Variants in FBXL18 observed in about 807,000 individuals in gnomAD.
FBXL18 encodes F-box/LRR-repeat protein 18.
FBXL18 carries 36 observed loss-of-function variants against 46.0 expected under a neutral mutation model. The observed-to-expected ratio is 0.78, with a 90% CI of 0.60 to 1.03. The LOEUF (loss-of-function observed/expected upper bound fraction) is 1.03. Among genes scored for constraint, FBXL18 ranks in the 50% least tolerant of loss-of-function variants. The pLI is 0.00. For missense variants in FBXL18, 977 were observed against 1,004.1 expected, an observed-to-expected ratio of 0.97 and a Z score of 0.36; for synonymous variants, 557 against 465.3, an observed-to-expected ratio of 1.20 and a Z score of -2.54.
chr7:5,513,590 A>G (rs956439009), intron 1 of FBXL18, 67 bp downstream of exon 1: 1 of 1,577,962 alleles, frequency 6.3e-7, no homozygotes, highest in Non-Finnish European at 8.7e-7. Context: ...CCGGGTCGGG[A>G]TGGAAGAACC....
Position 5,500,586 on chromosome 7 carries a change from C to A in FBXL18, c.1683G>T (p.Arg561=). 6.2e-7 allele frequency: 1 copy of A among 1,613,524 alleles called. No homozygotes were observed. The highest frequency in any genetic ancestry group is 8.5e-7 in the Non-Finnish European group (1 of 1,179,902). The change falls in exon 3 of 5, where the codon CGG becomes CGT. Residue 561 remains arginine (R), a synonymous_variant. Coordinates refer to ENST00000382368, the MANE Select transcript of FBXL18 (RefSeq NM_024963.6). The part of the protein sequence containing the change: ...VNIGLQCQQL[R]SLSLANLGMM... ...TGCCCAGGTTGGCCAGCGACAGGGA[C>A]CGCAACTGCTGGCACTGCAGGCCGA...
chr7:5,464,980 T>C (rs539986459), intron 4 of FBXL18, among the ~76,000 whole-genome samples: 28 of 152,072 alleles, frequency 1.8e-4, no homozygotes, highest in African/African-American at 6.3e-4. Context: ...GGAGAGTCAC[T>C]TGAACCCAGG....
chr7:5,481,706 G>C lies in FBXL18; in HGVS notation c.*69C>G, dbSNP rs1463788924. ...CCCCTTCCTCTTGTGACAAACCAAG[G>C]GTCCCTGGCGTCCCAGGCTCCTGCA... is the stretch of plus-strand genomic sequence containing the variant. On this transcript the variant is annotated 3_prime_UTR_variant, in exon 5 of 5. Transcript: ENST00000382368. 16 of 1,551,910 alleles carry C rather than the reference G, an allele frequency of 1.0e-5. No individual in the cohort carries two copies. In the East Asian group the frequency reaches 3.4e-4, roughly 33 times the overall value.
At position 5,501,720 on chromosome 7, in the gene FBXL18, G is replaced by T; in HGVS notation, c.549C>A (p.Pro183=). 1.9e-6 allele frequency: 3 copies of T among 1,582,812 alleles called. No individual in the cohort carries two copies. The highest frequency in any genetic ancestry group is 2.3e-5 in the East Asian group (1 of 43,044). Residue 183 remains proline (P), a synonymous_variant, in exon 3 of 5, where the codon CCC becomes CCA. Transcript: ENST00000382368. ...TGCAGCAGGGCACCACGCCGTAGGA[G>T]GGAGTGAACAGCGTCTGCTTGAGCT... The part of the protein sequence containing the change: ...VRELKQTLFT[P]SYGVVPCCTS...
chr7:5,462,369 C>A (rs1041218751), intron 4 of FBXL18, among the ~76,000 whole-genome samples: 7 of 152,242 alleles, frequency 4.6e-5, no homozygotes, highest in African/African-American at 1.7e-4. Flanking sequence ...TTACCTACCC[C>A]ACTGTGGGTA....
In FBXL18 at chr7:5,476,172, A is replaced by G. The variant is rs1783507736; in HGVS notation, c.*5603T>C. ...CGACGGCTGCAGGGGAGGGGCACGCACACACACAGGCACGCACATGCTTGC... is the reference window on the plus strand; with the variant it reads ...CGACGGCTGCAGGGGAGGGGCACGCGCACACACAGGCACGCACATGCTTGC... On this transcript the variant is annotated 3_prime_UTR_variant, in exon 5 of 5. Transcript: ENST00000382368. The G allele has an allele frequency of 6.6e-6, 1 of 152,670 alleles. No homozygotes were observed. Among genetic ancestry groups the G allele is most frequent in the Admixed American group, 6.6e-5 (1 of 15,230 alleles). The allele number at this position is 152,670 out of a possible 1,614,324, so 9.5% of individuals were successfully genotyped here. A position where few individuals can be genotyped will look rare whatever the true frequency, so the allele number is the denominator to read the frequency against.
rs1030521346 is a variant in FBXL18 at position 5,480,881 on chromosome 7, A to C, written c.*894T>G. 2.6e-5 allele frequency: 4 copies of C among 152,096 alleles called. No homozygotes were observed. Among genetic ancestry groups the C allele is most frequent in the African/African-American group, 9.7e-5 (4 of 41,402 alleles). 9.4% of individuals were successfully genotyped at this position (152,096 alleles called of 1,614,324 possible). On this transcript the variant is annotated 3_prime_UTR_variant, in exon 5 of 5. Coordinates refer to ENST00000382368, the MANE Select transcript of FBXL18 (RefSeq NM_024963.6). The stretch of plus-strand genomic sequence containing the variant: ...CCAGCTGAGTATTTTTAAAGTCTTA[A>C]ATGAAGTCATTTGAAATGGGGTCAT...
rs940031774 is a variant in FBXL18, at chr7:5,496,871, C to CA, written c.1781+3616dup. Among the ~76,000 whole-genome samples the CA allele has an allele frequency of 1.4e-4, 21 of 147,944 alleles. No homozygotes were observed. Among genetic ancestry groups the CA allele is most frequent in the Non-Finnish European group, 2.4e-4 (16 of 66,724 alleles). ...TGAAACCCCGTCTCTACTAAAAATA[C>CA]AAAAAAAAAATTAGCCGAGTATGGT... On this transcript the variant is annotated intron_variant, in intron 3 of 4. Coordinates refer to ENST00000382368, the MANE Select transcript of FBXL18 (RefSeq NM_024963.6). The surrounding 1 kb of genome is among the most constrained non-coding windows in gnomAD (Gnocchi z 4.8).
chr7:5,461,535 TG>T (rs1303368544), intron 4 of FBXL18, among the ~76,000 whole-genome samples: 44 of 152,054 alleles, frequency 2.9e-4, no homozygotes, highest in African/African-American at 1.0e-3. Context: ...CCAAGCTACT[TG>T]GGAGGCTGAA....
Position 5,481,603 on chromosome 7 carries a change from A to G in FBXL18, c.*172T>C. ...CCCCTCGACCTAAACTTCACAGAGC[A>G]ACAGTCCCCATGAGAGAGCCGTGGA... On this transcript the variant is annotated 3_prime_UTR_variant, in exon 5 of 5. Transcript: ENST00000382368. The G allele has an allele frequency of 5.8e-6, 4 of 689,432 alleles. No individual in the cohort carries two copies. In the South Asian group the frequency reaches 6.9e-5, roughly 12 times the overall value. 42.7% of individuals were successfully genotyped at this position (689,432 alleles called of 1,614,324 possible). A position where few individuals can be genotyped will look rare whatever the true frequency, so the allele number is the denominator to read the frequency against.
downstream of FBXL18, among the ~76,000 whole-genome samples, chr7:5,471,850 C>T (rs577660815): frequency 2.0e-5 from 3 of 152,280 alleles, no homozygotes; most frequent in Non-Finnish European, 2.9e-5. Flanking sequence ...CGGTGGCTCA[C>T]GCCTGTAATC....
chr7:5,495,500 G>A (rs1784053444), intron 3 of FBXL18, among the ~76,000 whole-genome samples: 1 of 152,170 alleles, frequency 6.6e-6, no homozygotes, highest in Non-Finnish European at 1.5e-5. Context: ...TACTACTGAG[G>A]TGTGTCCAAG....
intron 4 of FBXL18, among the ~76,000 whole-genome samples, chr7:5,463,724 A>ATATT (rs1554316185): frequency 4.4e-4 from 26 of 59,660 alleles, no homozygotes; most frequent in Middle Eastern, 0.011. Flanking sequence ...TTATTTATTT[A>ATATT]TTTATTTTTT....
intron 3 of FBXL18, among the ~76,000 whole-genome samples, chr7:5,499,268 C>T (rs982649651): frequency 3.3e-5 from 5 of 152,154 alleles, no homozygotes; most frequent in African/African-American, 1.2e-4. Flanking sequence ...GGCACTGTTG[C>T]CCACCTTCCT....
chr7:5,471,315 C>T (rs370940628), downstream of FBXL18, among the ~76,000 whole-genome samples: 54 of 152,286 alleles, frequency 3.5e-4, no homozygotes, highest in East Asian at 1.7e-3. Context: ...TTCGCTCTGT[C>T]GCCCAGGCTG....
chr7:5,471,883 C>A (rs1263559363), downstream of FBXL18, among the ~76,000 whole-genome samples: 1 of 152,150 alleles, frequency 6.6e-6, no homozygotes, highest in African/African-American at 2.4e-5. Flanking sequence ...GAGGCTGAGG[C>A]GGGAGGATTT....
In FBXL18 at chr7:5,502,032, C is replaced by T; in HGVS notation, c.238-1G>A. On this transcript the variant is annotated splice_acceptor_variant, in intron 2 of 4. Transcript: ENST00000382368. LOFTEE classifies it high-confidence loss of function. ...GCTGCCTCACTTTGTCCTCGCTCGCCTGCGGGACAGAGGCAGGGTGGGGAG... is the reference window on the plus strand; with the variant it reads ...GCTGCCTCACTTTGTCCTCGCTCGCTTGCGGGACAGAGGCAGGGTGGGGAG... 3 of 1,576,342 alleles carry T rather than the reference C, an allele frequency of 1.9e-6. No individual in the cohort carries two copies. Among genetic ancestry groups the T allele is most frequent in the Non-Finnish European group, 2.6e-6 (3 of 1,160,122 alleles).
At position 5,500,768 on chromosome 7, in the gene FBXL18, G is replaced by A. The variant is rs956442026; in HGVS notation, c.1501C>T (p.Arg501Cys). Residue 501 changes from arginine (R) to cysteine (C), a missense_variant, in exon 3 of 5, where the codon CGC becomes TGC. Transcript: ENST00000382368. ...IGSNFSSAMPRNEPAIRNSLP... is the reference protein window; with the variant it reads ...IGSNFSSAMPCNEPAIRNSLP... ...GAGTTGCGGATGGCGGGCTCGTTGC[G>A]GGGCATGGCGGAGGAGAAGTTGGAC... is the stretch of plus-strand genomic sequence containing the variant. 18 of 1,612,402 alleles carry A rather than the reference G, an allele frequency of 1.1e-5. No individual in the cohort carries two copies. The highest frequency in any genetic ancestry group is 1.5e-5 in the Non-Finnish European group (18 of 1,179,740).
At chr7:5,469,981 T>A (rs185341610) in intron 4 of FBXL18, among the ~76,000 whole-genome samples, 1 of 152,184 alleles carries the variant, frequency 6.6e-6, no homozygotes, top group Non-Finnish European at 1.5e-5. Context: ...ATGTGGCATG[T>A]GATTGTCAGA....
Sources: gnomAD v4.1 joint callset for allele counts (sites outside exome capture counted in the v4.1 genomes callset) on GRCh38, gnomAD v4.1.1 for gene constraint, Gnocchi (gnomAD v3.1) non-coding constraint, MANE v1.5 for transcripts, NCBI Gene and HGNC (gene_info 2026-07-23, HGNC 2026-07-21) for gene names.